The following ZFHX4 variants were observed in gnomAD, a reference collection of about 807,000 sequenced individuals.
ZFHX4 encodes zinc finger homeobox protein 4.
Under a neutral mutation model 267.6 loss-of-function variants are expected in ZFHX4, and 56 were observed. The observed-to-expected ratio is 0.21, with a 90% CI of 0.17 to 0.26. The LOEUF is 0.26. ZFHX4 is among the 10% of genes least tolerant of loss of function. ZFHX4 has a pLI of 1.00. For synonymous variants in ZFHX4, 1,778 were observed against 1,665.6 expected (o/e 1.07, Z -1.64); for missense variants, 4,332 against 4,420.0 (o/e 0.98, Z 0.56).
chr8:76,739,358 T>C (rs1404770732), intron 3 of ZFHX4, among the ~76,000 whole-genome samples: 3 of 152,214 alleles, frequency 2.0e-5, no homozygotes, highest in African/African-American at 7.2e-5. Flanking sequence ...TCAACTGTGA[T>C]AACCTTGGTT....
In ZFHX4 at chr8:76,706,537, G is replaced by A; in HGVS notation, c.2449G>A (p.Glu817Lys). 1 of 1,613,204 alleles carries A rather than the reference G, an allele frequency of 6.2e-7. No homozygotes were observed. Among genetic ancestry groups the A allele is most frequent in the Non-Finnish European group, 8.5e-7 (1 of 1,179,600 alleles). ...HNLHLGLAPA[E>K]AELYQYYLAQ... ...TCTGCACTTGGGCCTCGCCCCGGCG[G>A]AAGCAGAGCTTTATCAGTACTACCT... Residue 817 changes from glutamate to lysine, a missense_variant, in exon 2 of 11, where the codon GAA becomes AAA. Transcript: ENST00000651372.
At chr8:76,708,292 G>A in intron 3 of ZFHX4, 1 of 519,736 alleles carries the variant, frequency 1.9e-6, no homozygotes, top group South Asian at 2.5e-5. Flanking sequence ...TTCTTCACTG[G>A]CTTCCCCAAA....
At position 76,842,721 on chromosome 8, in the gene ZFHX4, A is replaced by T. The variant is rs148458190; in HGVS notation, c.3461A>T (p.Asp1154Val). The change falls in exon 6 of 11, where the codon GAC becomes GTC. Residue 1154 changes from aspartate (D) to valine (V), a missense_variant. Physicochemically the swap from Asp to Val is radical, Grantham distance 152 (BLOSUM62 -3). Coordinates refer to ENST00000651372, the MANE Select transcript of ZFHX4 (RefSeq NM_024721.5). ...PTAVAEDDEK[D>V]TSERDNSEGK... ...GCAGTGGCCGAGGACGATGAAAAAG[A>T]CACAAGTGAGAGAGACAATAGTGAA... 6.7e-4 allele frequency: 1,041 copies of T among 1,555,072 alleles called. 10 individuals are homozygous for T. The East Asian group carries it at 0.023, about 34-fold the overall frequency.
intron 1 of ZFHX4, among the ~76,000 whole-genome samples, chr8:76,691,508 T>G (rs2131584019): frequency 6.6e-6 from 1 of 152,260 alleles, no homozygotes; most frequent in East Asian, 1.9e-4. Context: ...AGACATTTTT[T>G]GATTCTGCGT....
intron 4 of ZFHX4, among the ~76,000 whole-genome samples, chr8:76,800,928 A>C (rs1330040998): frequency 1.3e-5 from 2 of 152,168 alleles, no homozygotes; most frequent in African/African-American, 4.8e-5. Context: ...AGCCTTGGTG[A>C]GACATAATGG....
intron 3 of ZFHX4, among the ~76,000 whole-genome samples, chr8:76,724,422 G>T (rs1808801423): frequency 6.6e-6 from 1 of 152,018 alleles, no homozygotes; most frequent in Non-Finnish European, 1.5e-5. Context: ...CTCTTTCCAA[G>T]TAAGTCATTG....
chr8:76,743,037 T>C (rs1809362000), intron 3 of ZFHX4, among the ~76,000 whole-genome samples: 1 of 152,136 alleles, frequency 6.6e-6, no homozygotes, highest in South Asian at 2.1e-4. Context: ...TTTCAAACAT[T>C]TACATATTCC....
At chr8:76,725,704 A>C (rs182659728) in intron 3 of ZFHX4, among the ~76,000 whole-genome samples, 69 of 152,294 alleles carry the variant, frequency 4.5e-4, no homozygotes, top group African/African-American at 1.5e-3. Context: ...CAATGCGCAA[A>C]CATCAGTGTA....
At chr8:76,708,125 T>C in intron 3 of ZFHX4, 77 bp downstream of exon 3, 1 of 1,575,078 alleles carries the variant, frequency 6.3e-7, no homozygotes. Flanking sequence ...AGCACAAGTC[T>C]CCAACTTAAG....
At chr8:76,707,419 T>C in intron 2 of ZFHX4, 127 bp from the exon 3 acceptor site, 1 of 851,886 alleles carries the variant, frequency 1.2e-6, no homozygotes, top group Non-Finnish European at 1.7e-6. Context: ...TTGAATCCTA[T>C]TACAGCTTTT....
rs1376602865 is a variant in ZFHX4, at chr8:76,852,976, C to G, written c.6055C>G (p.Pro2019Ala). ...PPPLPPAPPQPSSMGPVKIPN... is the reference protein window; with the variant it reads ...PPPLPPAPPQASSMGPVKIPN... The stretch of plus-strand genomic sequence containing the variant: ...TCCCTTGCCTCCGGCTCCTCCACAG[C>G]CTTCTTCTATGGGTCCTGTAAAGAT... Residue 2019 changes from proline (P) to alanine (A), a missense_variant, in exon 10 of 11, where the codon CCT becomes GCT. Physicochemically the swap from Pro to Ala is conservative, Grantham distance 27 (BLOSUM62 -1). Around this residue, in one of 7 missense-constraint regions of ZFHX4, gnomAD observed 1,371 missense variants for 1,423.1 expected, o/e 0.96. Coordinates refer to ENST00000651372, the MANE Select transcript of ZFHX4 (RefSeq NM_024721.5). 6.4e-7 allele frequency: 1 copy of G among 1,555,284 alleles called. No homozygotes were observed. The highest frequency in any genetic ancestry group is 8.7e-7 in the Non-Finnish European group (1 of 1,147,648).
chr8:76,705,073 A>G lies in ZFHX4; in HGVS notation c.985A>G (p.Lys329Glu). The G allele has an allele frequency of 1.2e-6, 2 of 1,613,952 alleles. No individual in the cohort carries two copies. Among genetic ancestry groups the G allele is most frequent in the Non-Finnish European group, 1.7e-6 (2 of 1,179,874 alleles). ...SAIIQGIGKD[K>E]EPLISFLEPK... ...CATAATACAGGGGATTGGCAAAGAC[A>G]AAGAACCTCTTATAAGCTTTCTGGA... is the stretch of plus-strand genomic sequence containing the variant. The change falls in exon 2 of 11, where the codon AAA (lysine) becomes GAA (glutamate). Residue 329 changes from lysine to glutamate, a missense_variant. Transcript: ENST00000651372.
intron 4 of ZFHX4, among the ~76,000 whole-genome samples, chr8:76,819,659 C>G (rs1811596469): frequency 1.3e-5 from 2 of 152,086 alleles, no homozygotes; most frequent in Admixed American, 1.3e-4. Flanking sequence ...GACAGAGTGC[C>G]CCAGCACCAG....
chr8:76,752,699 C>CA (rs917381622), intron 3 of ZFHX4, among the ~76,000 whole-genome samples: 1 of 151,460 alleles, frequency 6.6e-6, no homozygotes, highest in South Asian at 2.1e-4. Flanking sequence ...ATACAAAAAA[C>CA]AAAAAAACAC....
rs1426774278 is a variant in ZFHX4, at chr8:76,855,878, A to T, written c.8957A>T (p.Lys2986Ile). The T allele has an allele frequency of 6.2e-7, 1 of 1,613,732 alleles. No homozygotes were observed. The highest frequency in any genetic ancestry group is 1.7e-5 in the Admixed American group (1 of 60,004). The change falls in exon 10 of 11, where the codon AAA becomes ATA. Residue 2986 changes from lysine (K) to isoleucine (I), a missense_variant. Coordinates refer to ENST00000651372, the MANE Select transcript of ZFHX4 (RefSeq NM_024721.5). ...WFQNARAKEK[K>I]FKINIGKPFM... ...CAAAATGCAAGGGCAAAGGAAAAGAAATTTAAAATTAACATAGGGAAGCCT... is the reference window on the plus strand; with the variant it reads ...CAAAATGCAAGGGCAAAGGAAAAGATATTTAAAATTAACATAGGGAAGCCT...
In ZFHX4 at chr8:76,704,205, G is replaced by A; in HGVS notation, c.117G>A (p.Glu39=). 2.5e-6 allele frequency: 4 copies of A among 1,614,002 alleles called. No homozygotes were observed. The highest frequency in any genetic ancestry group is 2.5e-6 in the Non-Finnish European group (3 of 1,179,888). Residue 39 remains glutamate (E), a synonymous_variant, in exon 2 of 11, where the codon GAG becomes GAA. Transcript: ENST00000651372. ...NEVPEKVAGM[E]PDRENSSTDD... ...TGCCAGAGAAAGTTGCAGGGATGGA[G>A]CCTGACAGGGAAAACAGCTCCACAG...
intron 1 of ZFHX4, among the ~76,000 whole-genome samples, chr8:76,702,029 C>T (rs964778982): frequency 8.6e-5 from 13 of 152,038 alleles, no homozygotes; most frequent in African/African-American, 2.4e-4. Flanking sequence ...AGTATGAATA[C>T]GTTATTTGTG....
intron 3 of ZFHX4, among the ~76,000 whole-genome samples, chr8:76,711,717 C>A (rs1287372877): frequency 6.6e-6 from 1 of 152,136 alleles, no homozygotes; most frequent in East Asian, 1.9e-4. Flanking sequence ...ATTTTGTCTA[C>A]CCCTTAAATG....
At chr8:76,771,916 G>C (rs764090344) in intron 3 of ZFHX4, among the ~76,000 whole-genome samples, 7 of 152,096 alleles carry the variant, frequency 4.6e-5, no homozygotes, top group Non-Finnish European at 4.4e-5. Context: ...CAAATTTCTG[G>C]AATGAGCCTC....
Sources: allele counts gnomAD v4.1 joint callset (sites outside exome capture counted in the v4.1 genomes callset), GRCh38; gene constraint gnomAD v4.1.1; regional missense constraint gnomAD v4.1.1; transcripts MANE v1.5; gene names NCBI Gene and HGNC (gene_info 2026-07-23, HGNC 2026-07-21).